Variants in FBXL5 observed in about 807,000 individuals in gnomAD.
The protein encoded by FBXL5 is F-box/LRR-repeat protein 5.
A neutral mutation model predicts 78.3 loss-of-function variants in FBXL5; 26 were observed. That is an observed-to-expected ratio of 0.33 (90% confidence interval 0.24 to 0.46). The LOEUF (loss-of-function observed/expected upper bound fraction) is 0.46, where lower values mean the gene tolerates loss of function less well. FBXL5 is among the 20% of genes least tolerant of loss of function. The pLI, the probability that FBXL5 is intolerant of heterozygous loss-of-function variation, is 1.00. For missense variants in FBXL5, 710 were observed against 829.2 expected, an observed-to-expected ratio of 0.86 and a Z score of 1.77; for synonymous variants, 295 against 282.5, an observed-to-expected ratio of 1.04 and a Z score of -0.45.
chr4:15,676,554 C>T (rs1299098895), intron 1 of FBXL5, among the ~76,000 whole-genome samples: 1 of 152,092 alleles, frequency 6.6e-6, no homozygotes, highest in African/African-American at 2.4e-5. Context: ...GTGTAAAAAA[C>T]ATTTTTTGGC....
intron 2 of FBXL5, among the ~76,000 whole-genome samples, chr4:15,644,193 T>C (rs1353530736): frequency 6.6e-6 from 1 of 152,202 alleles, no homozygotes; most frequent in Non-Finnish European, 1.5e-5. Context: ...CTAGCAAGAA[T>C]CCCCTTGGCC....
At chr4:15,632,833 CA>C (rs1266640033) in intron 5 of FBXL5, among the ~76,000 whole-genome samples, 1 of 152,122 alleles carries the variant, frequency 6.6e-6, no homozygotes, top group Non-Finnish European at 1.5e-5. Flanking sequence ...TCCAAATATA[CA>C]ATCATGTCAT....
At chr4:15,655,073 G>C in intron 1 of FBXL5, 131 bp downstream of exon 1, 1 of 611,402 alleles carries the variant, frequency 1.6e-6, no homozygotes, top group Non-Finnish European at 2.2e-6. Context: ...GCTGACAGCT[G>C]CGCAGGCGGC....
At chr4:15,673,463 G>A (rs1224200908) in intron 1 of FBXL5, among the ~76,000 whole-genome samples, 2 of 151,816 alleles carry the variant, frequency 1.3e-5, no homozygotes, top group Non-Finnish European at 2.9e-5. Context: ...GATAAAATAA[G>A]GATAAATGTA....
Position 15,630,278 on chromosome 4 carries a change from T to C in FBXL5, c.892+388A>G, listed in dbSNP as rs139581915. On this transcript the variant is annotated intron_variant, in intron 6 of 10. Transcript: ENST00000341285. ...TTAAGACTATCTACAAACGAGTAAGTCGACTCAACAGTTTCATCCTATTTC... is the reference window on the plus strand; with the variant it reads ...TTAAGACTATCTACAAACGAGTAAGCCGACTCAACAGTTTCATCCTATTTC... Among the ~76,000 whole-genome samples, 328 of 152,296 alleles carry C rather than the reference T, an allele frequency of 2.2e-3. 1 individual carries two copies. The highest frequency in any genetic ancestry group is 3.5e-3 in the Non-Finnish European group (241 of 68,004).
intron 9 of FBXL5, among the ~76,000 whole-genome samples, chr4:15,614,571 G>A (rs1015464318): frequency 1.3e-5 from 2 of 152,140 alleles, no homozygotes; most frequent in African/African-American, 2.4e-5. Context: ...ACCAGGGTGG[G>A]TAAAGACCAT....
At chr4:15,612,097 T>C (rs1230306004) in intron 10 of FBXL5, 169 bp downstream of exon 10, 1 of 522,490 alleles carries the variant, frequency 1.9e-6, no homozygotes, top group African/African-American at 2.0e-5. Flanking sequence ...TTTCAAGATG[T>C]TAATTAATGA....
At chr4:15,671,562 C>A (rs1717769669) in intron 1 of FBXL5, among the ~76,000 whole-genome samples, 1 of 152,156 alleles carries the variant, frequency 6.6e-6, no homozygotes, top group South Asian at 2.1e-4. Context: ...GCGTGAGCCA[C>A]CACGCCTGGG....
chr4:15,625,256 G>T lies in FBXL5; in HGVS notation c.1846C>A (p.Leu616Ile). 1 of 1,605,346 alleles carries T rather than the reference G, an allele frequency of 6.2e-7. No individual in the cohort carries two copies. The highest frequency in any genetic ancestry group is 1.1e-5 in the South Asian group (1 of 89,710). The change falls in exon 9 of 11, where the codon CTC becomes ATC. Residue 616 changes from leucine to isoleucine, a missense_variant. Coordinates refer to ENST00000341285, the MANE Select transcript of FBXL5 (RefSeq NM_012161.4). ...SGCYQITDHG[L>I]RVLTLGGGLP... ...ATTCTGGAACTGATAACTCACCTGA[G>T]ACCATGGTCTGTGATCTGATAACAT...
intron 10 of FBXL5, among the ~76,000 whole-genome samples, chr4:15,606,333 G>A (rs1370380586): frequency 6.6e-6 from 1 of 151,848 alleles, no homozygotes; most frequent in East Asian, 1.9e-4. Flanking sequence ...ATATATGGTA[G>A]GGTTAGATGA....
upstream of FBXL5, among the ~76,000 whole-genome samples, chr4:15,656,736 G>A (rs139426407): frequency 6.1e-4 from 91 of 150,202 alleles, 1 homozygote; most frequent in East Asian, 0.014. Flanking sequence ...GACATGAAAT[G>A]AAGCTAATAA....
intron 1 of FBXL5, among the ~76,000 whole-genome samples, chr4:15,646,365 T>C (rs931323422): frequency 2.2e-5 from 2 of 91,074 alleles, no homozygotes; most frequent in Non-Finnish European, 5.0e-5. Flanking sequence ...ATACATATTA[T>C]AGATTTTTTT....
intron 9 of FBXL5, among the ~76,000 whole-genome samples, chr4:15,617,090 T>C (rs1226619200): frequency 6.6e-6 from 1 of 152,222 alleles, no homozygotes. Context: ...GAAGCAGCAA[T>C]TCAACCCAGC....
intron 1 of FBXL5, among the ~76,000 whole-genome samples, chr4:15,666,318 G>A (rs142643028): frequency 1.3e-5 from 2 of 152,172 alleles, no homozygotes; most frequent in African/African-American, 4.8e-5. Context: ...AAGATTGCTT[G>A]AGCCCAGGAT....
chr4:15,660,677 G>A (rs772597065), upstream of FBXL5, among the ~76,000 whole-genome samples: 7 of 152,154 alleles, frequency 4.6e-5, no homozygotes. Context: ...GTGATAAAAG[G>A]TGCTAGATTA....
intron 5 of FBXL5, 103 bp downstream of exon 5, chr4:15,636,391 T>C: frequency 1.1e-6 from 1 of 942,570 alleles, no homozygotes; most frequent in African/African-American, 1.7e-5. Context: ...ATCTACTTTT[T>C]GATTGACCTC....
intron 9 of FBXL5, among the ~76,000 whole-genome samples, chr4:15,615,723 G>C (rs1427479204): frequency 2.0e-5 from 3 of 151,220 alleles, no homozygotes; most frequent in Non-Finnish European, 2.9e-5. Context: ...TGATGGGGAC[G>C]TGGAGAACCT....
chr4:15,633,373 A>G (rs1713895980), intron 5 of FBXL5, among the ~76,000 whole-genome samples: 1 of 152,204 alleles, frequency 6.6e-6, no homozygotes, highest in African/African-American at 2.4e-5. Flanking sequence ...CTGTCATTTC[A>G]CACTGGTTCC....
chr4:15,641,390 T>A (rs1461947456), intron 2 of FBXL5: 1 of 346,676 alleles, frequency 2.9e-6, no homozygotes, highest in Non-Finnish European at 5.5e-6. Context: ...CACCTCTTCT[T>A]CCTCCTCAGC....
Sources: allele counts gnomAD v4.1 joint callset (sites outside exome capture counted in the v4.1 genomes callset), GRCh38; gene constraint gnomAD v4.1.1; transcripts MANE v1.5; gene names NCBI Gene and HGNC (gene_info 2026-07-23, HGNC 2026-07-21).